Variants in PHF7 observed in about 807,000 individuals in gnomAD.
PHF7 encodes PHD finger protein 7.
A neutral mutation model predicts 47.5 loss-of-function variants in PHF7; 24 were observed. The observed-to-expected ratio is 0.51, with a 90% confidence interval of 0.37 to 0.71. The LOEUF is 0.71. Among genes scored for constraint, PHF7 ranks in the 30% least tolerant of loss-of-function variants. The pLI is 0.00. For missense variants in PHF7, 361 were observed against 456.8 expected, an observed-to-expected ratio of 0.79 and a Z score of 1.91; for synonymous variants, 156 against 153.8, an observed-to-expected ratio of 1.01 and a Z score of -0.11.
rs143930518 is a variant in PHF7 at position 52,422,636 on chromosome 3, T to C, written c.798-124T>C. The C allele has an allele frequency of 5.3e-3, 5,419 of 1,023,106 alleles. 54 individuals are homozygous for C. The highest frequency in any genetic ancestry group is 0.022 in the South Asian group (1,595 of 71,576). 63.4% of individuals were successfully genotyped at this position (1,023,106 alleles called of 1,614,324 possible). ...GCTTCTGGGATCAGCACTCATCCTC[T>C]CTGAGCCATACATTCATCTTGGGTA... On this transcript the variant is annotated intron_variant, in intron 9 of 10. Coordinates refer to ENST00000327906, the MANE Select transcript of PHF7 (RefSeq NM_016483.7).
intron 2 of PHF7, 104 bp from the exon 3 acceptor site, chr3:52,413,892 T>C: frequency 1.3e-6 from 1 of 750,246 alleles, no homozygotes. Context: ...TTAGATATGT[T>C]GGTCCTTCAT....
chr3:52,420,581 T>C (rs1705756577), intron 6 of PHF7, 146 bp downstream of exon 6: 1 of 826,142 alleles, frequency 1.2e-6, no homozygotes, highest in Non-Finnish European at 1.9e-6. Context: ...AAACAGTGTC[T>C]TGACTTGGAG....
At chr3:52,414,997 A>G (rs1033671287) in intron 4 of PHF7, among the ~76,000 whole-genome samples, 2 of 152,146 alleles carry the variant, frequency 1.3e-5, no homozygotes, top group Non-Finnish European at 2.9e-5. Context: ...CCTTGCCTCA[A>G]AAAAAGAAAA....
intron 4 of PHF7, among the ~76,000 whole-genome samples, chr3:52,416,467 A>G (rs893342078): frequency 1.6e-4 from 24 of 148,740 alleles, no homozygotes; most frequent in Non-Finnish European, 3.4e-4. Context: ...TACAGGCGTG[A>G]GCCACCGCGC....
intron 1 of PHF7, 48 bp from the exon 2 acceptor site, chr3:52,412,763 A>G: frequency 1.2e-6 from 1 of 847,652 alleles, no homozygotes; most frequent in South Asian, 1.5e-5. Context: ...GAACTTGATA[A>G]CCAAATACAG....
chr3:52,414,129 G>C (rs1705549406), intron 3 of PHF7, 81 bp downstream of exon 3: 6 of 894,868 alleles, frequency 6.7e-6, no homozygotes, highest in Non-Finnish European at 9.3e-6. Flanking sequence ...CAGTATACTT[G>C]CTTCTTCTCT....
intron 4 of PHF7, 133 bp from the exon 5 acceptor site, chr3:52,419,700 G>A (rs1001357740): frequency 5.0e-5 from 35 of 698,442 alleles, no homozygotes; most frequent in Non-Finnish European, 7.9e-5. Context: ...CAAAGTGCCG[G>A]GATTACAGGC....
chr3:52,410,808 G>A lies in PHF7; in HGVS notation c.-509G>A, dbSNP rs1705398383. On this transcript the variant is annotated 5_prime_UTR_variant, in exon 1 of 11. Transcript: ENST00000327906. ...GGAGCGGCGGCCGGTGAGCTACCGCGAGGAGGAGCGGCGGAGGCGACCTCG... is the reference window on the plus strand; with the variant it reads ...GGAGCGGCGGCCGGTGAGCTACCGCAAGGAGGAGCGGCGGAGGCGACCTCG... The A allele has an allele frequency of 6.5e-6, 1 of 152,806 alleles. No individual in the cohort carries two copies. Among genetic ancestry groups the A allele is most frequent in the Non-Finnish European group, 1.5e-5 (1 of 68,484 alleles). The allele number at this position is 152,806 out of a possible 1,614,324, so 9.5% of individuals were successfully genotyped here.
chr3:52,412,929 A>G lies in PHF7; in HGVS notation c.41+9A>G. 6.2e-7 allele frequency: 1 copy of G among 1,604,534 alleles called. No individual in the cohort carries two copies. The highest frequency in any genetic ancestry group is 8.5e-7 in the Non-Finnish European group (1 of 1,172,178). ...GAATGCCAGAGATTGAGGTAGAAGT[A>G]GTTGACATAGGGAATTTGGGAGAAA... On this transcript the variant is annotated intron_variant, in intron 2 of 10. Coordinates refer to ENST00000327906, the MANE Select transcript of PHF7 (RefSeq NM_016483.7).
At chr3:52,413,090 G>A (rs765208117) in intron 2 of PHF7, among the ~76,000 whole-genome samples, 170 bp downstream of exon 2, 24 of 152,198 alleles carry the variant, frequency 1.6e-4, no homozygotes, top group Non-Finnish European at 2.8e-4. Flanking sequence ...GTCCCTAGTA[G>A]CAAAGTGCTG....
chr3:52,418,521 T>G (rs961310771), intron 4 of PHF7, among the ~76,000 whole-genome samples: 1 of 152,190 alleles, frequency 6.6e-6, no homozygotes, highest in African/African-American at 2.4e-5. Flanking sequence ...TTTTAAAATA[T>G]GTGTTTCAAA....
chr3:52,421,106 T>C, intron 7 of PHF7, 44 bp downstream of exon 7: 2 of 1,533,552 alleles, frequency 1.3e-6, no homozygotes, highest in East Asian at 4.6e-5. Flanking sequence ...ATTGCCCTAG[T>C]TCTCTGCCTG....
chr3:52,412,741 C>G, intron 1 of PHF7, 70 bp from the exon 2 acceptor site: 1 of 703,798 alleles, frequency 1.4e-6, no homozygotes. Context: ...GCACCATTGC[C>G]TTGACCCTGG....
intron 8 of PHF7, 130 bp downstream of exon 8, chr3:52,421,884 G>A: frequency 1.6e-6 from 1 of 622,692 alleles, no homozygotes; most frequent in Non-Finnish European, 2.9e-6. Context: ...AGGGGAGGAG[G>A]GAGTGCTTTT....
chr3:52,414,147 A>T, intron 3 of PHF7, 99 bp downstream of exon 3: 1 of 780,910 alleles, frequency 1.3e-6, no homozygotes, highest in Non-Finnish European at 2.2e-6. Context: ...TCTCTCTCCC[A>T]GCCCTACTTC....
At position 52,410,813 on chromosome 3, in the gene PHF7, G is replaced by T. The variant is rs975060919; in HGVS notation, c.-504G>T. ...GGCGGCCGGTGAGCTACCGCGAGGA[G>T]GAGCGGCGGAGGCGACCTCGGCCCG... On this transcript the variant is annotated 5_prime_UTR_variant, in exon 1 of 11. The change creates a new upstream start codon in the 5' untranslated region. Coordinates refer to ENST00000327906, the MANE Select transcript of PHF7 (RefSeq NM_016483.7). 6.5e-6 allele frequency: 1 copy of T among 152,794 alleles called. No homozygotes were observed. The highest frequency in any genetic ancestry group is 1.5e-5 in the Non-Finnish European group (1 of 68,462). 9.5% of individuals were successfully genotyped at this position (152,794 alleles called of 1,614,324 possible).
chr3:52,421,843 A>G (rs779321008), intron 8 of PHF7, 89 bp downstream of exon 8: 1 of 722,766 alleles, frequency 1.4e-6, no homozygotes, highest in Non-Finnish European at 2.5e-6. Context: ...AGTTCAGAGA[A>G]TGAGAGCAGC....
At chr3:52,419,142 A>T (rs1705707981) in intron 4 of PHF7, among the ~76,000 whole-genome samples, 1 of 152,076 alleles carries the variant, frequency 6.6e-6, no homozygotes, top group Non-Finnish European at 1.5e-5. Flanking sequence ...TACAAAGGAA[A>T]TGTTTCCCCC....
intron 1 of PHF7, among the ~76,000 whole-genome samples, chr3:52,412,259 T>C (rs1214721169): frequency 6.6e-6 from 1 of 152,004 alleles, no homozygotes; most frequent in Non-Finnish European, 1.5e-5. Context: ...CTCTTGTCTC[T>C]CACTAGAGGG....
Sources: allele counts gnomAD v4.1 joint callset (sites outside exome capture counted in the v4.1 genomes callset), GRCh38; gene constraint gnomAD v4.1.1; transcripts MANE v1.5; gene names NCBI Gene and HGNC (gene_info 2026-07-23, HGNC 2026-07-21).